Variants in PAK3 observed in about 807,000 individuals in gnomAD.
PAK3 encodes the protein p21 (RAC1) activated kinase 3.
PAK3 carries 4 observed loss-of-function variants against 41.0 expected under a neutral mutation model. The observed-to-expected ratio is 0.10, with a 90% CI of 0.05 to 0.22. PAK3 has a LOEUF of 0.22. Ranked by LOEUF, PAK3 falls within the 10% of genes least tolerant of loss-of-function variation. The pLI is 1.00. For synonymous variants in PAK3, 146 were observed against 139.6 expected, an observed-to-expected ratio of 1.05 and a Z score of -0.32; for missense variants, 205 against 409.9, an observed-to-expected ratio of 0.50 and a Z score of 4.32.
intron 16 of PAK3, among the ~76,000 whole-genome samples, chrX:111,210,753 C>T (rs140967086): frequency 9.0e-6 from 1 of 111,723 alleles, no homozygotes; most frequent in African/African-American, 3.3e-5. Context: ...GGAAGACAGA[C>T]CTGTAAACAA....
chrX:111,185,148 T>G (rs1004042287), intron 11 of PAK3, among the ~76,000 whole-genome samples: 3 of 112,313 alleles, frequency 2.7e-5, no homozygotes, highest in Non-Finnish European at 5.6e-5. Flanking sequence ...TCTTGACCAG[T>G]GATGATGAGC....
chrX:110,962,600 T>C lies in PAK3; in HGVS notation c.-28+17972T>C, dbSNP rs1248536010. On this transcript the variant is annotated intron_variant, in intron 1 of 14. Transcript: ENST00000425146. ...ACTTATAGCAGTGGTTTTCAAGTTA[T>C]ACTTCATGCATCCCTGTGTGTGTTC... Among the ~76,000 whole-genome samples, 20 of 112,681 alleles carry C rather than the reference T, an allele frequency of 1.8e-4. No individual in the cohort carries two copies. The Admixed American group carries it at 1.8e-3, about 10-fold the overall frequency.
intron 1 of PAK3, among the ~76,000 whole-genome samples, chrX:111,060,284 T>C (rs894201704): frequency 2.7e-5 from 3 of 112,143 alleles, no homozygotes; most frequent in Non-Finnish European, 5.6e-5. Context: ...TAATGCCACT[T>C]GGTCATGGTG....
intron 1 of PAK3, among the ~76,000 whole-genome samples, chrX:110,954,525 A>C (rs1269661194): frequency 8.9e-6 from 1 of 111,841 alleles, no homozygotes; most frequent in African/African-American, 3.3e-5. Flanking sequence ...GTGTTCTACT[A>C]TTAAGGGCTT....
intron 1 of PAK3, among the ~76,000 whole-genome samples, chrX:110,974,666 A>G (rs1170256200): frequency 1.8e-5 from 2 of 111,922 alleles, no homozygotes; most frequent in East Asian, 5.6e-4. Flanking sequence ...AAAAAAGAGA[A>G]TTGTAGACCA....
chrX:111,020,897 C>T (rs2092168196), intron 1 of PAK3, among the ~76,000 whole-genome samples: 1 of 110,803 alleles, frequency 9.0e-6, no homozygotes, highest in Admixed American at 9.5e-5. Flanking sequence ...TCCACCACTT[C>T]CCTGGTGACC....
At chrX:111,005,539 A>G (rs1402592686) in intron 1 of PAK3, among the ~76,000 whole-genome samples, 1 of 111,651 alleles carries the variant, frequency 9.0e-6, no homozygotes, top group Non-Finnish European at 1.9e-5. Context: ...AGCTTGCTAC[A>G]TCTGCTCACC....
intron 1 of PAK3, among the ~76,000 whole-genome samples, chrX:111,044,349 T>C (rs997022340): frequency 1.8e-5 from 2 of 112,326 alleles, no homozygotes; most frequent in Non-Finnish European, 3.8e-5. Flanking sequence ...GCTCCTACTT[T>C]TCCTTCCATC....
chrX:111,211,134 G>A (rs1029980191), intron 16 of PAK3, among the ~76,000 whole-genome samples: 5 of 111,376 alleles, frequency 4.5e-5, no homozygotes, highest in African/African-American at 1.6e-4. Context: ...TGAGTAGTAT[G>A]TGAGCTTCAG....
intron 1 of PAK3, among the ~76,000 whole-genome samples, chrX:111,030,550 G>C (rs778386617): frequency 7.6e-4 from 85 of 111,818 alleles, no homozygotes; most frequent in African/African-American, 2.7e-3. Context: ...CTCTATTTAT[G>C]TTGGCCAAAT....
chrX:111,071,291 C>T (rs369954245), intron 1 of PAK3, among the ~76,000 whole-genome samples: 1 of 112,032 alleles, frequency 8.9e-6, no homozygotes, highest in Admixed American at 9.5e-5. Context: ...ACAGAAAGAA[C>T]TGGATTCAAA....
At chrX:111,022,894 T>TTATA (rs760146975) in intron 1 of PAK3, among the ~76,000 whole-genome samples, 4 of 108,688 alleles carry the variant, frequency 3.7e-5, no homozygotes, top group African/African-American at 1.3e-4. Flanking sequence ...GCTATTCTTT[T>TTATA]TATATATATA....
intron 1 of PAK3, among the ~76,000 whole-genome samples, chrX:111,090,985 T>C (rs534709495): frequency 4.5e-5 from 5 of 111,278 alleles, no homozygotes; most frequent in African/African-American, 9.7e-5. Context: ...TATAATATGA[T>C]CCACTTGGGA....
intron 4 of PAK3, among the ~76,000 whole-genome samples, chrX:111,118,222 A>G (rs909551919): frequency 2.7e-5 from 3 of 111,752 alleles, no homozygotes; most frequent in Non-Finnish European, 5.6e-5. Flanking sequence ...TTACATTATC[A>G]GTCATAAGTG....
intron 8 of PAK3, among the ~76,000 whole-genome samples, chrX:111,155,870 A>T (rs1335208864): frequency 8.9e-6 from 1 of 111,819 alleles, no homozygotes; most frequent in Non-Finnish European, 1.9e-5. Flanking sequence ...CTGAGATGCG[A>T]GAAAGGGAAT....
chrX:111,085,709 G>A (rs1262987116), intron 1 of PAK3, among the ~76,000 whole-genome samples: 1 of 111,600 alleles, frequency 9.0e-6, no homozygotes, highest in Non-Finnish European at 1.9e-5. Context: ...CGCCTGCAGT[G>A]GTGTCTACAT....
intron 6 of PAK3, among the ~76,000 whole-genome samples, chrX:111,143,524 A>G (rs1415305483): frequency 9.0e-6 from 1 of 111,217 alleles, no homozygotes; most frequent in African/African-American, 3.3e-5. Context: ...CATTAAAGTC[A>G]GAGACATTAC....
chrX:111,216,837 T>G, intron 17 of PAK3: 2 of 462,946 alleles, frequency 4.3e-6, no homozygotes, highest in Non-Finnish European at 5.4e-6. Context: ...CCCTCTGGTG[T>G]TGGTGTTTTG....
chrX:111,064,848 T>C (rs2092688233), intron 1 of PAK3, among the ~76,000 whole-genome samples: 2 of 112,363 alleles, frequency 1.8e-5, no homozygotes, highest in South Asian at 7.4e-4. Context: ...AGTTCTGTTT[T>C]AAGTTCTTTG....
Sources: allele counts gnomAD v4.1 joint callset (sites outside exome capture counted in the v4.1 genomes callset), GRCh38; gene constraint gnomAD v4.1.1; transcripts MANE v1.5; gene names NCBI Gene and HGNC (gene_info 2026-07-23, HGNC 2026-07-21).